PDGFD: variants seen among roughly 807,000 people sequenced by gnomAD.
The protein encoded by PDGFD is platelet derived growth factor D.
A neutral mutation model predicts 44.7 loss-of-function variants in PDGFD; 30 were observed. The ratio of observed to expected loss-of-function variants is 0.67; its 90% CI spans 0.50 to 0.91. PDGFD has a LOEUF of 0.91. Among genes scored for constraint, PDGFD ranks in the 40% least tolerant of loss-of-function variants. The pLI is 0.00. For synonymous variants in PDGFD, 173 were observed against 168.4 expected (o/e 1.03, Z -0.21); for missense variants, 445 against 457.8 (o/e 0.97, Z 0.25).
At chr11:104,156,018 A>G (rs961264949) in intron 1 of PDGFD, among the ~76,000 whole-genome samples, 2 of 152,216 alleles carry the variant, frequency 1.3e-5, no homozygotes, top group Admixed American at 6.5e-5. Flanking sequence ...ACAATGTACT[A>G]TATTCTTGAA....
At chr11:104,019,772 G>A (rs759644027) in intron 1 of PDGFD, among the ~76,000 whole-genome samples, 31 of 152,118 alleles carry the variant, frequency 2.0e-4, no homozygotes, top group African/African-American at 3.4e-4. Flanking sequence ...CTGCACAAAC[G>A]TTATATTTTC....
intron 1 of PDGFD, among the ~76,000 whole-genome samples, chr11:104,136,773 G>A (rs1027291852): frequency 6.6e-6 from 1 of 152,054 alleles, no homozygotes; most frequent in Admixed American, 6.6e-5. Context: ...AGGCATGATC[G>A]CCTTGCACCA....
intron 3 of PDGFD, among the ~76,000 whole-genome samples, chr11:103,994,250 T>C (rs80289565): frequency 0.035 from 5,275 of 152,292 alleles, 325 homozygotes; most frequent in African/African-American, 0.12. Context: ...GCTTGGTATT[T>C]TAAGGCAAAA....
chr11:104,007,882 AT>A (rs143641440), intron 1 of PDGFD, among the ~76,000 whole-genome samples: 18,679 of 152,226 alleles, frequency 0.12, 1,275 homozygotes, highest in South Asian at 0.22. Context: ...ATAAACACCC[AT>A]TTTGCAAGTC....
chr11:104,002,250 A>G (rs1859631370), intron 1 of PDGFD, among the ~76,000 whole-genome samples: 1 of 152,098 alleles, frequency 6.6e-6, no homozygotes, highest in African/African-American at 2.4e-5. Context: ...GGGTCTTGAT[A>G]TGGTTTGGCT....
intron 1 of PDGFD, among the ~76,000 whole-genome samples, chr11:104,141,399 ATT>A (rs11392568): frequency 0.13 from 18,456 of 147,540 alleles, 1,190 homozygotes; most frequent in African/African-American, 0.17. Flanking sequence ...ATTTAATTTA[ATT>A]TTTTTTTTTT....
chr11:103,939,007 CT>C, intron 5 of PDGFD, among the ~76,000 whole-genome samples: 1 of 152,220 alleles, frequency 6.6e-6, no homozygotes, highest in Non-Finnish European at 1.5e-5. Context: ...CAGCTTTGTT[CT>C]TTTGGCTTAG....
rs35709220 is a variant in PDGFD, at chr11:104,028,779, T to TA, written c.125-28525dup. Among the ~76,000 whole-genome samples the TA allele has an allele frequency of 1.8e-3, 271 of 147,752 alleles. 1 individual carries two copies. Among genetic ancestry groups the TA allele is most frequent in the African/African-American group, 4.9e-3 (195 of 39,830 alleles). On this transcript the variant is annotated intron_variant, in intron 1 of 6. Coordinates refer to ENST00000393158, the MANE Select transcript of PDGFD (RefSeq NM_025208.5). ...AATAGTGTTTTAAGTTGTTTTGAAG[T>TA]AAAAAAAAAATGCAGAAAAATAAAA...
intron 4 of PDGFD, among the ~76,000 whole-genome samples, 185 bp from the exon 5 acceptor site, chr11:103,943,835 TA>T (rs1565291077): frequency 6.6e-6 from 1 of 152,180 alleles, no homozygotes; most frequent in Admixed American, 6.6e-5. Flanking sequence ...AATTAATTAC[TA>T]AAAAGATAAC....
chr11:103,976,237 T>C (rs1191189252), intron 3 of PDGFD, among the ~76,000 whole-genome samples: 3 of 152,136 alleles, frequency 2.0e-5, no homozygotes, highest in Non-Finnish European at 2.9e-5. Flanking sequence ...CTATTGTCAA[T>C]AGTGGCTATT....
intron 1 of PDGFD, among the ~76,000 whole-genome samples, chr11:104,140,695 CT>C (rs1860797899): frequency 1.3e-5 from 2 of 152,106 alleles, no homozygotes; most frequent in African/African-American, 4.8e-5. Flanking sequence ...ATATCCCCCC[CT>C]GAACATTATC....
chr11:104,009,108 C>A (rs1174435145), intron 1 of PDGFD, among the ~76,000 whole-genome samples: 2 of 152,022 alleles, frequency 1.3e-5, no homozygotes, highest in Admixed American at 1.3e-4. Flanking sequence ...TTTAAATGAT[C>A]CTGCTTAACA....
chr11:104,135,840 T>C (rs537889744), intron 1 of PDGFD, among the ~76,000 whole-genome samples: 1 of 152,296 alleles, frequency 6.6e-6, no homozygotes, highest in African/African-American at 2.4e-5. Context: ...ATAAGGGGAC[T>C]GAATGTAAGG....
chr11:103,937,784 A>G (rs565139403), intron 5 of PDGFD, among the ~76,000 whole-genome samples: 18 of 140,634 alleles, frequency 1.3e-4, no homozygotes, highest in African/African-American at 4.3e-4. Context: ...ATTCCCACCT[A>G]TGAGTGAGAA....
chr11:103,984,441 G>T (rs529456065), intron 3 of PDGFD, among the ~76,000 whole-genome samples: 2 of 151,522 alleles, frequency 1.3e-5, no homozygotes, highest in South Asian at 4.2e-4. Context: ...GAGAGGATAA[G>T]GAAAAATAAC....
intron 1 of PDGFD, among the ~76,000 whole-genome samples, chr11:104,040,718 ATTTT>A (rs11305792): frequency 6.6e-6 from 1 of 151,496 alleles, no homozygotes; most frequent in South Asian, 2.1e-4. Flanking sequence ...GTGATTTTAA[ATTTT>A]TTTTGACAAC....
At chr11:103,954,067 A>T (rs1858799811) in intron 3 of PDGFD, among the ~76,000 whole-genome samples, 1 of 152,246 alleles carries the variant, frequency 6.6e-6, no homozygotes, top group Non-Finnish European at 1.5e-5. Context: ...ACAGGTAATA[A>T]ATGTTGTCAA....
intron 1 of PDGFD, among the ~76,000 whole-genome samples, chr11:104,050,006 G>A (rs1421551358): frequency 1.3e-5 from 2 of 152,168 alleles, no homozygotes; most frequent in Non-Finnish European, 2.9e-5. Context: ...GGCCATGAGA[G>A]AACACCTTTT....
intron 5 of PDGFD, among the ~76,000 whole-genome samples, chr11:103,937,302 T>C (rs1034411336): frequency 2.6e-5 from 4 of 152,194 alleles, no homozygotes; most frequent in African/African-American, 9.6e-5. Context: ...GTTTCCCTCC[T>C]TGCCATTATG....
Sources: allele counts gnomAD v4.1 joint callset (sites outside exome capture counted in the v4.1 genomes callset), GRCh38; gene constraint gnomAD v4.1.1; transcripts MANE v1.5; gene names NCBI Gene and HGNC (gene_info 2026-07-23, HGNC 2026-07-21).